Variants in NPAS3 observed in about 807,000 individuals in gnomAD.
The protein encoded by NPAS3 is neuronal PAS domain protein 3.
Under a neutral mutation model 73.1 loss-of-function variants are expected in NPAS3, and 14 were observed. The ratio of observed to expected loss-of-function variants is 0.19; its 90% confidence interval spans 0.13 to 0.30. The LOEUF is 0.30. Among genes scored for constraint, NPAS3 ranks in the 10% least tolerant of loss-of-function variants. The probability of loss-of-function intolerance (pLI) is 1.00; values close to 1 mark genes in which losing one functional copy is unlikely to be tolerated. For missense variants in NPAS3, 1,096 were observed against 1,250.0 expected, an observed-to-expected ratio of 0.88 and a Z score of 1.86; for synonymous variants, 620 against 541.5, an observed-to-expected ratio of 1.14 and a Z score of -2.01.
intron 4 of NPAS3, among the ~76,000 whole-genome samples, chr14:33,557,337 T>C (rs2055405905): frequency 6.6e-6 from 1 of 152,192 alleles, no homozygotes; most frequent in Admixed American, 6.5e-5. Context: ...GGTAACCTCC[T>C]GTGGAAGTAA....
At chr14:33,325,390 C>A (rs2043652075) in intron 3 of NPAS3, among the ~76,000 whole-genome samples, 2 of 151,946 alleles carry the variant, frequency 1.3e-5, no homozygotes, top group African/African-American at 2.4e-5. Context: ...GCCTGTAATC[C>A]CAATCAATAC....
intron 4 of NPAS3, among the ~76,000 whole-genome samples, chr14:33,475,150 T>G (rs1296429281): frequency 6.6e-6 from 1 of 152,110 alleles, no homozygotes; most frequent in African/African-American, 2.4e-5. Flanking sequence ...GTCATCAACA[T>G]AGAAGTTTTG....
At chr14:33,575,351 G>T (rs774079533) in intron 5 of NPAS3, among the ~76,000 whole-genome samples, 10 of 152,154 alleles carry the variant, frequency 6.6e-5, no homozygotes, top group Non-Finnish European at 1.5e-4. Flanking sequence ...AAAAAATTGA[G>T]AAAGTATTTT....
At chr14:33,720,124 G>A (rs561362370) in intron 6 of NPAS3, among the ~76,000 whole-genome samples, 31 of 152,172 alleles carry the variant, frequency 2.0e-4, no homozygotes, top group South Asian at 6.2e-4. Flanking sequence ...TAAGTTCATC[G>A]AAAACTTTCC....
intron 4 of NPAS3, among the ~76,000 whole-genome samples, chr14:33,383,831 T>C (rs1488986474): frequency 1.3e-5 from 2 of 152,188 alleles, no homozygotes; most frequent in South Asian, 2.1e-4. Flanking sequence ...TTTTCATCTT[T>C]GTGTTTTCCA....
chr14:33,075,234 G>A (rs1028499270), intron 2 of NPAS3, among the ~76,000 whole-genome samples: 1 of 152,074 alleles, frequency 6.6e-6, no homozygotes, highest in Non-Finnish European at 1.5e-5. Context: ...TGGTTAACAG[G>A]ATTTTCTTAG....
chr14:33,046,148 A>G (rs1414206233), intron 1 of NPAS3, among the ~76,000 whole-genome samples: 3 of 152,208 alleles, frequency 2.0e-5, no homozygotes, highest in Non-Finnish European at 4.4e-5. Context: ...TGAAAGGTAT[A>G]TGTGGGTCTG....
At position 33,334,479 on chromosome 14, in the gene NPAS3, G is replaced by A. The variant is rs1313556207; in HGVS notation, c.386-32707G>A. 3.3e-5 allele frequency among the ~76,000 whole-genome samples: 5 copies of A among 152,068 alleles called. No homozygotes were observed. The East Asian group carries it at 9.6e-4, about 29-fold the overall frequency. On this transcript the variant is annotated intron_variant, in intron 3 of 11. Transcript: ENST00000356141. ...AATTCATGTAAGTGTAATCTTATAA[G>A]ATGTAGTCTTCTGTGCTTGACTGCT...
At chr14:32,954,691 T>C (rs1566795762) in intron 1 of NPAS3, among the ~76,000 whole-genome samples, 5 of 152,172 alleles carry the variant, frequency 3.3e-5, no homozygotes. Context: ...TCCTCTTCTA[T>C]CTTGCCTTTT....
At chr14:33,112,706 A>G (rs1459008582) in intron 2 of NPAS3, among the ~76,000 whole-genome samples, 19 of 152,090 alleles carry the variant, frequency 1.2e-4, no homozygotes, top group Admixed American at 1.2e-3. Context: ...TTTTGTTGCC[A>G]TTGCTTTTAG....
chr14:33,304,487 A>C (rs2042680396), intron 3 of NPAS3, among the ~76,000 whole-genome samples: 1 of 151,814 alleles, frequency 6.6e-6, no homozygotes. Context: ...GGTTGATTGA[A>C]TAACATCTAG....
At chr14:33,600,736 C>G (rs1352219899) in intron 5 of NPAS3, among the ~76,000 whole-genome samples, 2 of 152,166 alleles carry the variant, frequency 1.3e-5, no homozygotes, top group Non-Finnish European at 2.9e-5. Context: ...CAAAGTAACT[C>G]ACAGGTCCAT....
chr14:33,226,676 C>T (rs1302561234), intron 3 of NPAS3, among the ~76,000 whole-genome samples: 1 of 152,200 alleles, frequency 6.6e-6, no homozygotes, highest in Non-Finnish European at 1.5e-5. Flanking sequence ...AGCAGTCAGT[C>T]ACCAGGTATT....
intron 3 of NPAS3, among the ~76,000 whole-genome samples, chr14:33,260,856 A>G (rs1429234497): frequency 6.6e-6 from 1 of 152,174 alleles, no homozygotes; most frequent in Non-Finnish European, 1.5e-5. Flanking sequence ...TACAATGACT[A>G]TATTTTGCCT....
rs375504080 is a variant in NPAS3, at chr14:33,315,874, G to A, written c.386-51312G>A. On this transcript the variant is annotated intron_variant, in intron 3 of 11. Transcript: ENST00000356141. ...CAGAAGTGAAAGATGTGCATGAGACGTATTAGTCTCAAGTTTCCCAACTAT... is the reference window on the plus strand; with the variant it reads ...CAGAAGTGAAAGATGTGCATGAGACATATTAGTCTCAAGTTTCCCAACTAT... Among the ~76,000 whole-genome samples, 16 of 152,012 alleles carry A rather than the reference G, an allele frequency of 1.1e-4. 1 individual carries two copies. The highest frequency in any genetic ancestry group is 9.7e-4 in the East Asian group (5 of 5,164).
chr14:33,289,986 C>G (rs1006916141), intron 3 of NPAS3, among the ~76,000 whole-genome samples: 7 of 152,168 alleles, frequency 4.6e-5, no homozygotes, highest in Non-Finnish European at 1.0e-4. Flanking sequence ...TTTTGTACTT[C>G]TGACCATCTT....
intron 6 of NPAS3, among the ~76,000 whole-genome samples, chr14:33,709,835 C>T (rs1183295576): frequency 2.0e-5 from 3 of 152,118 alleles, no homozygotes; most frequent in Non-Finnish European, 4.4e-5. Flanking sequence ...TTAAATATCC[C>T]CCATGCATGT....
intron 1 of NPAS3, among the ~76,000 whole-genome samples, chr14:32,941,940 G>A (rs1384928497): frequency 6.6e-6 from 1 of 152,216 alleles, no homozygotes; most frequent in Admixed American, 6.5e-5. Context: ...CATTACACAT[G>A]TAAGTTGATT....
intron 5 of NPAS3, among the ~76,000 whole-genome samples, chr14:33,622,993 C>T (rs1269516009): frequency 6.6e-6 from 1 of 152,138 alleles, no homozygotes; most frequent in Non-Finnish European, 1.5e-5. Context: ...CCACTTCACA[C>T]TACTGCATTT....
Sources: gnomAD v4.1 joint callset for allele counts (sites outside exome capture counted in the v4.1 genomes callset) on GRCh38, gnomAD v4.1.1 for gene constraint, MANE v1.5 for transcripts, NCBI Gene and HGNC (gene_info 2026-07-23, HGNC 2026-07-21) for gene names.